Variants in IKBKE observed in about 807,000 individuals in gnomAD.
IKBKE encodes the protein inhibitor of nuclear factor kappa-B kinase subunit epsilon.
A neutral mutation model predicts 92.1 loss-of-function variants in IKBKE; 45 were observed. That is an observed-to-expected ratio of 0.49 (90% CI 0.38 to 0.63). The LOEUF (loss-of-function observed/expected upper bound fraction) is 0.63, where lower values mean the gene tolerates loss of function less well. IKBKE is among the 20% of genes least tolerant of loss of function. IKBKE has a pLI of 0.00. For missense variants in IKBKE, 700 were observed against 932.8 expected (o/e 0.75, Z 3.25); for synonymous variants, 374 against 380.3 (o/e 0.98, Z 0.19).
At chr1:206,475,069 T>C (rs1664988257) in intron 5 of IKBKE, 75 bp downstream of exon 5, 1 of 1,453,250 alleles carries the variant, frequency 6.9e-7, no homozygotes, top group African/African-American at 1.4e-5. Context: ...AGGACTCAGG[T>C]GTCTGACTCC....
At chr1:206,475,154 C>T in intron 5 of IKBKE, 160 bp downstream of exon 5, 3 of 730,488 alleles carry the variant, frequency 4.1e-6, no homozygotes, top group Non-Finnish European at 6.4e-6. Context: ...TTCACAGCAG[C>T]ATTATTTACA....
In IKBKE at chr1:206,493,970, A is replaced by C; in HGVS notation, c.2096A>C (p.Asp699Ala). ...AAGCTGCTGGCATCTGACCTCCTGGACAACAACCGCATCATCGAACGGTAA... is the reference window on the plus strand; with the variant it reads ...AAGCTGCTGGCATCTGACCTCCTGGCCAACAACCGCATCATCGAACGGTAA... ...GMKLLASDLL[D>A]NNRIIERLNR... is the part of the protein sequence containing the mutation. Residue 699 changes from aspartate to alanine, a missense_variant, in exon 21 of 22, where the codon GAC (aspartate) becomes GCC (alanine). By Grantham distance (126) the Asp-to-Ala change is moderately radical. Coordinates refer to ENST00000581977, the MANE Select transcript of IKBKE (RefSeq NM_014002.4). 6.2e-7 allele frequency: 1 copy of C among 1,614,072 alleles called. No homozygotes were observed. The highest frequency in any genetic ancestry group is 8.5e-7 in the Non-Finnish European group (1 of 1,179,950).
Position 206,478,066 on chromosome 1 carries a change from T to C in IKBKE, c.813-94T>C. 5.5e-6 allele frequency: 5 copies of C among 908,364 alleles called. No individual in the cohort carries two copies. Among genetic ancestry groups the C allele is most frequent in the Non-Finnish European group, 6.8e-6 (4 of 591,682 alleles). 56.3% of individuals were successfully genotyped at this position (908,364 alleles called of 1,614,324 possible). ...TGCCCCACCATCTTGGTCCTAGCTC[T>C]TCAGGATATTCTCTTAGAACGCTCC... On this transcript the variant is annotated intron_variant, in intron 8 of 21. Transcript: ENST00000581977. The surrounding 1 kb of genome is among the most constrained non-coding windows in gnomAD (Gnocchi z 4.8).
chr1:206,484,192 T>C (rs1189958572), intron 13 of IKBKE, among the ~76,000 whole-genome samples: 2 of 151,026 alleles, frequency 1.3e-5, no homozygotes, highest in Admixed American at 1.3e-4. Flanking sequence ...GGTCTCACTG[T>C]GTTTCCCAGG....
At chr1:206,480,141 A>C (rs1180959787) in intron 12 of IKBKE, 28 bp downstream of exon 12, 2 of 1,310,762 alleles carry the variant, frequency 1.5e-6, no homozygotes, top group Non-Finnish European at 2.0e-6. Flanking sequence ...CTGGGCACAG[A>C]GGGGGAGGCG....
chr1:206,482,975 C>T (rs1441493548), intron 13 of IKBKE, among the ~76,000 whole-genome samples: 5 of 152,280 alleles, frequency 3.3e-5, no homozygotes, highest in East Asian at 3.8e-4. Context: ...TGTGCATATC[C>T]TGCCTCAGGT....
intron 2 of IKBKE, among the ~76,000 whole-genome samples, chr1:206,472,491 CT>C: frequency 6.6e-6 from 1 of 152,130 alleles, no homozygotes; most frequent in African/African-American, 2.4e-5. Context: ...CTCCCAATGG[CT>C]GAATGATGAA....
chr1:206,479,236 C>T, intron 10 of IKBKE, 103 bp downstream of exon 10: 8 of 970,910 alleles, frequency 8.2e-6, no homozygotes, highest in Non-Finnish European at 1.2e-5. Context: ...GTGGGTGTTT[C>T]TTTGGGGCCA....
In IKBKE at chr1:206,478,057, TC is replaced by T; in HGVS notation, c.813-101del. 1.1e-6 allele frequency: 1 copy of T among 906,912 alleles called. No individual in the cohort carries two copies. The highest frequency in any genetic ancestry group is 1.6e-5 in the African/African-American group (1 of 60,714). The allele number at this position is 906,912 out of a possible 1,614,324, so 56.2% of individuals were successfully genotyped here. The stretch of plus-strand genomic sequence containing the variant: ...AACCCACCCTGCCCCACCATCTTGG[TC>T]CTAGCTCTTCAGGATATTCTCTTAG... On this transcript the variant is annotated intron_variant, in intron 8 of 21. Coordinates refer to ENST00000581977, the MANE Select transcript of IKBKE (RefSeq NM_014002.4). This position sits in a 1 kb window ranked among gnomAD's most constrained non-coding sequence, Gnocchi z 4.8.
At chr1:206,492,942 T>C (rs1666029317) in intron 18 of IKBKE, 81 bp from the exon 19 acceptor site, 1 of 1,221,562 alleles carries the variant, frequency 8.2e-7, no homozygotes, top group East Asian at 2.5e-5. Context: ...TGTCCATGTG[T>C]GGATCCGATG....
Position 206,480,065 on chromosome 1 carries a change from C to T in IKBKE, c.1292C>T (p.Ala431Val), listed in dbSNP as rs782574270. The change falls in exon 12 of 22, where the codon GCC (alanine) becomes GTC (valine). Residue 431 changes from alanine (A) to valine (V), a missense_variant. Transcript: ENST00000581977. ...TACCAGGCCCTGCGGCTGGCACGGGCCCTGCTGGATGGGCAGGAGCTAATG... is the reference window on the plus strand; with the variant it reads ...TACCAGGCCCTGCGGCTGGCACGGGTCCTGCTGGATGGGCAGGAGCTAATG... ...AGYQALRLAR[A>V]LLDGQELMFR... is the part of the protein sequence containing the mutation. 1.9e-6 allele frequency: 3 copies of T among 1,602,334 alleles called. No homozygotes were observed. The highest frequency in any genetic ancestry group is 2.6e-6 in the Non-Finnish European group (3 of 1,175,536).
intron 4 of IKBKE, 117 bp from the exon 5 acceptor site, chr1:206,474,747 AG>A (rs1474994726): frequency 1.6e-6 from 2 of 1,274,796 alleles, no homozygotes; most frequent in African/African-American, 3.0e-5. Context: ...AGGGAAGGCC[AG>A]GCCAGAAGCT....
At position 206,477,738 on chromosome 1, in the gene IKBKE, C is replaced by T; in HGVS notation, c.702-11C>T. The T allele has an allele frequency of 6.5e-7, 1 of 1,529,486 alleles. No individual in the cohort carries two copies. The highest frequency in any genetic ancestry group is 8.9e-7 in the Non-Finnish European group (1 of 1,129,188). 94.7% of individuals were successfully genotyped at this position (1,529,486 alleles called of 1,614,324 possible). A position where few individuals can be genotyped will look rare whatever the true frequency, so the allele number is the denominator to read the frequency against. ...CTGGGGATCCCGCTGACCTGGCCTT[C>T]CTCCCCGCAGGTACCGGATCACCAC... On this transcript the variant is annotated splice_polypyrimidine_tract_variant and intron_variant, in intron 7 of 21. Coordinates refer to ENST00000581977, the MANE Select transcript of IKBKE (RefSeq NM_014002.4).
chr1:206,494,592 CTTTTTTTTTTT>C (rs58971788), intron 21 of IKBKE, among the ~76,000 whole-genome samples: 1,865 of 63,908 alleles, frequency 0.029, 56 homozygotes, highest in African/African-American at 0.1. Flanking sequence ...AAAGTTCTTT[CTTTTTTTTTTT>C]TTTTTTTTTT....
In IKBKE at chr1:206,490,763, A is replaced by G; in HGVS notation, c.1694-56A>G. ...TTAACTGTCTCTCGACCTTTGCTGCACACTGTTTCGTTGACTGATTGAATA... is the reference window on the plus strand; with the variant it reads ...TTAACTGTCTCTCGACCTTTGCTGCGCACTGTTTCGTTGACTGATTGAATA... On this transcript the variant is annotated intron_variant, in intron 16 of 21. Transcript: ENST00000581977. This position sits in a 1 kb window ranked among gnomAD's most constrained non-coding sequence, Gnocchi z 5.2. 1.9e-6 allele frequency: 3 copies of G among 1,566,152 alleles called. No individual in the cohort carries two copies. Among genetic ancestry groups the G allele is most frequent in the Non-Finnish European group, 2.6e-6 (3 of 1,136,290 alleles).
rs574571500 is a variant in IKBKE, at chr1:206,485,514, G to A, written c.1616+208G>A. Among the ~76,000 whole-genome samples, 34 of 152,314 alleles carry A rather than the reference G, an allele frequency of 2.2e-4. No individual in the cohort carries two copies. Among genetic ancestry groups the A allele is most frequent in the Admixed American group, 7.2e-4 (11 of 15,296 alleles). The stretch of plus-strand genomic sequence containing the variant: ...CCAGCCAGGAGGAGAAAAGGATCTG[G>A]GGTCCTGCACCCATCTTGGAGTTTG... On this transcript the variant is annotated intron_variant, in intron 15 of 21. Transcript: ENST00000581977. The surrounding 1 kb of genome is among the most constrained non-coding windows in gnomAD (Gnocchi z 5.0).
intron 4 of IKBKE, 43 bp downstream of exon 4, chr1:206,474,514 C>CT (rs1664950832): frequency 6.4e-7 from 1 of 1,562,586 alleles, no homozygotes; most frequent in Admixed American, 1.8e-5. Flanking sequence ...GTCCTTGACC[C>CT]TTATGGTCTG....
intron 17 of IKBKE, 58 bp from the exon 18 acceptor site, chr1:206,491,589 TG>T: frequency 8.3e-7 from 1 of 1,207,786 alleles, no homozygotes; most frequent in Non-Finnish European, 1.2e-6. Context: ...TGAGGGATGG[TG>T]GGCTTGTGCA....
intron 18 of IKBKE, chr1:206,492,503 G>T (rs1223754565): frequency 2.1e-6 from 1 of 471,240 alleles, no homozygotes; most frequent in South Asian, 1.5e-5. Context: ...TCTGGAGCAG[G>T]GCTTGGATGT....
Sources: gnomAD v4.1 joint callset for allele counts (sites outside exome capture counted in the v4.1 genomes callset) on GRCh38, gnomAD v4.1.1 for gene constraint, Gnocchi (gnomAD v3.1) non-coding constraint, MANE v1.5 for transcripts, NCBI Gene and HGNC (gene_info 2026-07-23, HGNC 2026-07-21) for gene names.